Variants in KIAA1614 observed in about 807,000 individuals in gnomAD.
KIAA1614 encodes uncharacterized protein KIAA1614.
A neutral mutation model predicts 88.7 loss-of-function variants in KIAA1614; 76 were observed. The ratio of observed to expected loss-of-function variants is 0.86; its 90% CI spans 0.71 to 1.04. The LOEUF is 1.04. Among genes scored for constraint, KIAA1614 ranks in the 50% least tolerant of loss-of-function variants. The pLI is 0.00. For synonymous variants in KIAA1614, 714 were observed against 675.5 expected, an observed-to-expected ratio of 1.06 and a Z score of -0.88; for missense variants, 1,553 against 1,582.5, an observed-to-expected ratio of 0.98 and a Z score of 0.32.
Position 180,913,312 on chromosome 1 carries a change from G to T in KIAA1614, c.50+19G>T, listed in dbSNP as rs530132313. The T allele has an allele frequency of 1.6e-6, 2 of 1,242,430 alleles. No individual in the cohort carries two copies. The highest frequency in any genetic ancestry group is 7.7e-5 in the South Asian group (2 of 25,862). 77.0% of individuals were successfully genotyped at this position (1,242,430 alleles called of 1,614,324 possible). On this transcript the variant is annotated intron_variant, in intron 1 of 8. Transcript: ENST00000367588. ...GCCCCCAGTGAGTATAGAGGAGGCA[G>T]CGCCGGGCCGGCCGGGCGGGGGTGG...
intron 7 of KIAA1614, among the ~76,000 whole-genome samples, chr1:180,943,109 C>A (rs1339354750): frequency 6.6e-6 from 1 of 151,064 alleles, no homozygotes; most frequent in Non-Finnish European, 1.5e-5. Context: ...TCACTGCAAC[C>A]TCGACCTCCC....
chr1:180,936,648 G>A lies in KIAA1614; in HGVS notation c.2739G>A (p.Pro913=), dbSNP rs376502384. The change falls in exon 5 of 9, where the codon CCG becomes CCA. Residue 913 remains proline (P), a synonymous_variant. Coordinates refer to ENST00000367588, the MANE Select transcript of KIAA1614 (RefSeq NM_020950.2). ...GCCCCTGCAGCCGGGAACCGGAGCC[G>A]CCCCTGGAGAACAGCAGAGATGGTA... ...ERGPCSREPE[P]PLENSRDGGP... is the part of the protein sequence containing the mutation. 1.6e-5 allele frequency: 25 copies of A among 1,555,686 alleles called. No homozygotes were observed. The highest frequency in any genetic ancestry group is 1.4e-4 in the African/African-American group (10 of 73,696).
At chr1:180,915,788 C>CT (rs1653779831) in intron 1 of KIAA1614, among the ~76,000 whole-genome samples, 1 of 152,172 alleles carries the variant, frequency 6.6e-6, no homozygotes, top group Admixed American at 6.5e-5. Flanking sequence ...TGCCTCCTGT[C>CT]AGACCAGCAG....
chr1:180,924,819 C>G (rs570813829), intron 3 of KIAA1614, among the ~76,000 whole-genome samples: 45 of 151,548 alleles, frequency 3.0e-4, no homozygotes, highest in African/African-American at 1.0e-3. Flanking sequence ...AGTACATATT[C>G]GGGGATTCCA....
At chr1:180,941,798 G>A (rs1187407290) in intron 7 of KIAA1614, among the ~76,000 whole-genome samples, 2 of 152,200 alleles carry the variant, frequency 1.3e-5, no homozygotes, top group Non-Finnish European at 2.9e-5. Context: ...ACAAAGTTCA[G>A]ACCACTTGGC....
chr1:180,918,627 G>A (rs1026728082), intron 3 of KIAA1614, among the ~76,000 whole-genome samples: 36 of 152,210 alleles, frequency 2.4e-4, no homozygotes, highest in African/African-American at 8.4e-4. Flanking sequence ...TGGTCCACAA[G>A]GCTGAGAGGT....
At chr1:180,915,310 G>C (rs1051104271) in intron 1 of KIAA1614, among the ~76,000 whole-genome samples, 8 of 152,208 alleles carry the variant, frequency 5.3e-5, no homozygotes, top group African/African-American at 1.9e-4. Flanking sequence ...CTGGAGGTCA[G>C]ATCCTGCTTG....
chr1:180,915,300 C>T (rs572423526), intron 1 of KIAA1614, among the ~76,000 whole-genome samples: 10 of 152,340 alleles, frequency 6.6e-5, no homozygotes, highest in African/African-American at 2.4e-4. Context: ...GCACCTTCTA[C>T]TGGAGGTCAG....
Position 180,916,317 on chromosome 1 carries a change from G to T in KIAA1614, c.214G>T (p.Val72Leu), listed in dbSNP as rs754444210. The change falls in exon 2 of 9, where the codon GTA becomes TTA. Residue 72 changes from valine to leucine, a missense_variant. Val to Leu is a conservative substitution (Grantham distance 32). Coordinates refer to ENST00000367588, the MANE Select transcript of KIAA1614 (RefSeq NM_020950.2). ...CCTGATGGCCCCCCAGCCTCCCAGGGTATGGGGAGTACAGCTCCAGGGCCC... is the reference window on the plus strand; with the variant it reads ...CCTGATGGCCCCCCAGCCTCCCAGGTTATGGGGAGTACAGCTCCAGGGCCC... ...SSLMAPQPPR[V>L]WGVQLQGPSV... 1.2e-6 allele frequency: 2 copies of T among 1,614,084 alleles called. No homozygotes were observed. The highest frequency in any genetic ancestry group is 1.3e-5 in the African/African-American group (1 of 75,040).
rs200460542 is a variant in KIAA1614 at position 180,941,285 on chromosome 1, G to A, written c.3159G>A (p.Pro1053=). Residue 1053 remains proline (P), a splice_region_variant and synonymous_variant, in exon 7 of 9, where the codon CCG becomes CCA. Coordinates refer to ENST00000367588, the MANE Select transcript of KIAA1614 (RefSeq NM_020950.2). The part of the protein sequence containing the change: ...SRAPSLQSLH[P]VSPSHQRRKA... Reference sequence around the variant, plus strand: ...CCCCATCGTTACAATCCCTGCACCCGGTGAGTCCAGGGGCCCCAGCCCAGG... The same window carrying A: ...CCCCATCGTTACAATCCCTGCACCCAGTGAGTCCAGGGGCCCCAGCCCAGG... 7 of 1,604,894 alleles carry A rather than the reference G, an allele frequency of 4.4e-6. No homozygotes were observed. Among genetic ancestry groups the A allele is most frequent in the Admixed American group, 1.7e-5 (1 of 59,648 alleles).
intron 3 of KIAA1614, among the ~76,000 whole-genome samples, chr1:180,925,882 G>A (rs562096542): frequency 6.6e-5 from 10 of 152,218 alleles, no homozygotes; most frequent in South Asian, 4.1e-4. Flanking sequence ...GGGGGACCTC[G>A]AAATCCCACA....
chr1:180,941,014 C>A, intron 6 of KIAA1614, 31 bp from the exon 7 acceptor site: 2 of 1,346,544 alleles, frequency 1.5e-6, no homozygotes, highest in East Asian at 2.8e-5. Context: ...CGGCCCTCCC[C>A]CGCCCCCTCA....
intron 5 of KIAA1614, among the ~76,000 whole-genome samples, chr1:180,937,255 GC>G (rs1654354583): frequency 6.6e-6 from 1 of 152,258 alleles, no homozygotes; most frequent in Non-Finnish European, 1.5e-5. Flanking sequence ...CAGGAGTCCT[GC>G]CCTTGAGGCA....
intron 4 of KIAA1614, among the ~76,000 whole-genome samples, chr1:180,930,134 G>C (rs778109017): frequency 6.6e-6 from 1 of 152,194 alleles, no homozygotes; most frequent in African/African-American, 2.4e-5. Context: ...GAATGGGCAT[G>C]GTGGGCTGGG....
Position 180,913,139 on chromosome 1 carries a change from C to A in KIAA1614, c.-105C>A. 1 of 905,962 alleles carries A rather than the reference C, an allele frequency of 1.1e-6. No homozygotes were observed. Among genetic ancestry groups the A allele is most frequent in the Non-Finnish European group, 1.5e-6 (1 of 686,626 alleles). The allele number at this position is 905,962 out of a possible 1,614,324, so 56.1% of individuals were successfully genotyped here. A position where few individuals can be genotyped will look rare whatever the true frequency, so the allele number is the denominator to read the frequency against. On this transcript the variant is annotated 5_prime_UTR_variant, in exon 1 of 9. Coordinates refer to ENST00000367588, the MANE Select transcript of KIAA1614 (RefSeq NM_020950.2). Reference sequence around the variant, plus strand: ...CGCCCCGAGGGGCGAGGCCTGCGGGCCGCACTCCCTCCGGCCCCGGATTCG... The same window carrying A: ...CGCCCCGAGGGGCGAGGCCTGCGGGACGCACTCCCTCCGGCCCCGGATTCG...
intron 5 of KIAA1614, 109 bp from the exon 6 acceptor site, chr1:180,938,446 C>A: frequency 8.0e-7 from 1 of 1,252,898 alleles, no homozygotes; most frequent in Non-Finnish European, 1.1e-6. Flanking sequence ...TGAGCTCCAC[C>A]TCTCCAGCTT....
chr1:180,935,065 A>AC lies in KIAA1614; in HGVS notation c.1206-48dup. On this transcript the variant is annotated intron_variant, in intron 4 of 8. Coordinates refer to ENST00000367588, the MANE Select transcript of KIAA1614 (RefSeq NM_020950.2). This position sits in a 1 kb window ranked among gnomAD's most constrained non-coding sequence, Gnocchi z 6.1. ...GAGGGTAGGGCCGATGCGTGTCCAT[A>AC]CCTCCCCAGGTTTCTGCCCTTGACC... 1.6e-6 allele frequency: 2 copies of AC among 1,279,486 alleles called. No homozygotes were observed. The highest frequency in any genetic ancestry group is 2.0e-6 in the Non-Finnish European group (2 of 989,650). 79.3% of individuals were successfully genotyped at this position (1,279,486 alleles called of 1,614,324 possible). A position where few individuals can be genotyped will look rare whatever the true frequency, so the allele number is the denominator to read the frequency against.
intron 7 of KIAA1614, chr1:180,944,131 G>T: frequency 4.0e-6 from 1 of 249,088 alleles, no homozygotes; most frequent in Non-Finnish European, 7.7e-6. Flanking sequence ...TAATCAATGA[G>T]GAAATTAGTA....
chr1:180,933,389 C>G (rs771831898), intron 4 of KIAA1614, among the ~76,000 whole-genome samples: 3 of 152,136 alleles, frequency 2.0e-5, no homozygotes, highest in Non-Finnish European at 2.9e-5. Flanking sequence ...AAAGGCTGTG[C>G]ATCAGTTGGA....
Sources: gnomAD v4.1 joint callset for allele counts (sites outside exome capture counted in the v4.1 genomes callset) on GRCh38, gnomAD v4.1.1 for gene constraint, Gnocchi (gnomAD v3.1) non-coding constraint, MANE v1.5 for transcripts, NCBI Gene and HGNC (gene_info 2026-07-23, HGNC 2026-07-21) for gene names.